The following SMAD1 variants were observed in gnomAD, a reference collection of about 807,000 sequenced individuals.
The protein encoded by SMAD1 is MAD, mothers against decapentaplegic homolog 1.
Under a neutral mutation model 41.6 loss-of-function variants are expected in SMAD1, and 6 were observed. The ratio of observed to expected loss-of-function variants is 0.14; its 90% CI spans 0.08 to 0.28. The LOEUF is 0.28. SMAD1 is among the 10% of genes least tolerant of loss of function. The pLI, the probability that SMAD1 is intolerant of heterozygous loss-of-function variation, is 1.00. For missense variants in SMAD1, 379 were observed against 582.6 expected (o/e 0.65, Z 3.60); for synonymous variants, 206 against 203.2 (o/e 1.01, Z -0.12).
At chr4:145,543,091 T>G (rs892668601) in intron 4 of SMAD1, among the ~76,000 whole-genome samples, 24 of 152,140 alleles carry the variant, frequency 1.6e-4, no homozygotes, top group African/African-American at 5.8e-4. Context: ...CTCAGCCTCC[T>G]GAGTAGCTGG....
intron 2 of SMAD1, among the ~76,000 whole-genome samples, chr4:145,520,452 A>G (rs1453109967): frequency 6.6e-6 from 1 of 152,260 alleles, no homozygotes. Context: ...CTGATACTGC[A>G]AAAGTTTGAG....
chr4:145,538,009 A>G (rs1382256191), intron 2 of SMAD1, among the ~76,000 whole-genome samples: 1 of 152,298 alleles, frequency 6.6e-6, no homozygotes, highest in East Asian at 1.9e-4. Flanking sequence ...GAGGACATGA[A>G]GGATTGCTGT....
At chr4:145,495,456 A>G (rs542565210) in intron 1 of SMAD1, among the ~76,000 whole-genome samples, 10 of 152,294 alleles carry the variant, frequency 6.6e-5, no homozygotes, top group Admixed American at 4.6e-4. Flanking sequence ...CTATGTTAAA[A>G]TATACCTGAA....
At position 145,558,222 on chromosome 4, in the gene SMAD1, G is replaced by A; in HGVS notation, c.*288G>A. The A allele has an allele frequency of 4.1e-6, 1 of 245,434 alleles. No individual in the cohort carries two copies. 15.2% of individuals were successfully genotyped at this position (245,434 alleles called of 1,614,324 possible). ...TTTGTGTACAGTTAAAGGAGAGATG[G>A]CCAAGCCAGGGACAAATTGTCTATT... On this transcript the variant is annotated 3_prime_UTR_variant, in exon 7 of 7. Transcript: ENST00000302085.
intron 2 of SMAD1, 98 bp from the exon 3 acceptor site, chr4:145,539,706 T>C (rs1731808522): frequency 8.3e-7 from 1 of 1,206,476 alleles, no homozygotes; most frequent in East Asian, 2.4e-5. Flanking sequence ...ATCAGATAAT[T>C]TGTTGTTGTT....
chr4:145,532,472 T>A (rs1409943807), intron 2 of SMAD1, among the ~76,000 whole-genome samples: 1 of 152,148 alleles, frequency 6.6e-6, no homozygotes. Flanking sequence ...GAGAAAAGAT[T>A]TGGGTTTTTA....
intron 1 of SMAD1, among the ~76,000 whole-genome samples, chr4:145,498,499 T>C (rs1023820372): frequency 1.3e-5 from 2 of 152,246 alleles, no homozygotes; most frequent in Non-Finnish European, 2.9e-5. Flanking sequence ...TGTCAGTTTT[T>C]ATTTATTTTT....
chr4:145,543,596 A>G (rs1164940199), intron 4 of SMAD1, among the ~76,000 whole-genome samples: 1 of 152,224 alleles, frequency 6.6e-6, no homozygotes, highest in Non-Finnish European at 1.5e-5. Context: ...CCCCTTTAGT[A>G]AAGGGTGGGT....
intron 1 of SMAD1, among the ~76,000 whole-genome samples, chr4:145,506,180 G>GA (rs886907263): frequency 1.3e-5 from 2 of 150,166 alleles, no homozygotes; most frequent in South Asian, 2.1e-4. Flanking sequence ...TTAAAAAAAA[G>GA]AAAAAAAAAG....
At chr4:145,499,463 A>G (rs1198065035) in intron 1 of SMAD1, among the ~76,000 whole-genome samples, 1 of 152,172 alleles carries the variant, frequency 6.6e-6, no homozygotes, top group African/African-American at 2.4e-5. Flanking sequence ...ACTAATAAAA[A>G]TCCAAAAATT....
chr4:145,483,365 C>G (rs1728302202), intron 1 of SMAD1, among the ~76,000 whole-genome samples: 1 of 152,160 alleles, frequency 6.6e-6, no homozygotes, highest in African/African-American at 2.4e-5. Flanking sequence ...GGTCTAATTG[C>G]CTGTTGTGGA....
At chr4:145,543,670 A>G (rs1040861766) in intron 4 of SMAD1, among the ~76,000 whole-genome samples, 15 of 152,186 alleles carry the variant, frequency 9.9e-5, no homozygotes, top group African/African-American at 3.6e-4. Flanking sequence ...TCATTCTTCC[A>G]GCTCTACATA....
intron 2 of SMAD1, among the ~76,000 whole-genome samples, chr4:145,536,922 A>G (rs1212056794): frequency 1.3e-5 from 2 of 152,174 alleles, no homozygotes; most frequent in Non-Finnish European, 2.9e-5. Flanking sequence ...GATACCACTT[A>G]TCTAGTAGTC....
chr4:145,524,227 CATGAA>C (rs922580749), intron 2 of SMAD1, among the ~76,000 whole-genome samples: 16 of 152,152 alleles, frequency 1.1e-4, no homozygotes, highest in Admixed American at 4.6e-4. Flanking sequence ...TTACTAGAAA[CATGAA>C]ATAATATAGT....
chr4:145,521,581 C>T (rs1278956885), intron 2 of SMAD1, among the ~76,000 whole-genome samples: 33 of 151,942 alleles, frequency 2.2e-4, no homozygotes, highest in Non-Finnish European at 1.0e-4. Context: ...CTGTGTAATT[C>T]GTGTCTTGGT....
At chr4:145,535,868 G>A (rs1560753708) in intron 2 of SMAD1, among the ~76,000 whole-genome samples, 1 of 151,744 alleles carries the variant, frequency 6.6e-6, no homozygotes, top group Non-Finnish European at 1.5e-5. Context: ...TAAACTAACT[G>A]TGAAAGGGAG....
Position 145,492,616 on chromosome 4 carries a change from A to G in SMAD1, c.-177+10578A>G, listed in dbSNP as rs574930755. 1.3e-4 allele frequency among the ~76,000 whole-genome samples: 20 copies of G among 152,268 alleles called. No individual in the cohort carries two copies. In the East Asian group the frequency reaches 2.1e-3, roughly 16 times the overall value. The stretch of plus-strand genomic sequence containing the variant: ...GGGCTTCATTTTATAGGCATGATTG[A>G]TTATACCATTGGCCACTGGTGATCA... On this transcript the variant is annotated intron_variant, in intron 1 of 6. Transcript: ENST00000302085.
chr4:145,499,130 T>G (rs1372564483), intron 1 of SMAD1, among the ~76,000 whole-genome samples: 1 of 152,242 alleles, frequency 6.6e-6, no homozygotes, highest in Non-Finnish European at 1.5e-5. Flanking sequence ...TCGTTCACTC[T>G]AATTCCTACA....
In SMAD1 at chr4:145,481,914, C is replaced by G. The variant is rs1165658650; in HGVS notation, c.-301C>G. On this transcript the variant is annotated 5_prime_UTR_variant, in exon 1 of 7. Coordinates refer to ENST00000302085, the MANE Select transcript of SMAD1 (RefSeq NM_005900.3). The stretch of plus-strand genomic sequence containing the variant: ...GGCGGAGAAAGGAGAGGCCGAGCGG[C>G]TCAACCCGGGCCGAGGCTCGGGGAG... 2 of 152,986 alleles carry G rather than the reference C, an allele frequency of 1.3e-5. No homozygotes were observed. The highest frequency in any genetic ancestry group is 2.4e-5 in the African/African-American group (1 of 41,438). The allele number at this position is 152,986 out of a possible 1,614,324, so 9.5% of individuals were successfully genotyped here. A position where few individuals can be genotyped will look rare whatever the true frequency, so the allele number is the denominator to read the frequency against.
Sources: gnomAD v4.1 joint callset for allele counts (sites outside exome capture counted in the v4.1 genomes callset) on GRCh38, gnomAD v4.1.1 for gene constraint, MANE v1.5 for transcripts, NCBI Gene and HGNC (gene_info 2026-07-23, HGNC 2026-07-21) for gene names.